TIPRL: variants seen among roughly 807,000 people sequenced by gnomAD.
The protein encoded by TIPRL is TIP41-like protein.
In TIPRL, 10 loss-of-function variants were observed where a neutral mutation model predicts 32.3. That is an observed-to-expected ratio of 0.31 (90% CI 0.19 to 0.52). TIPRL has a LOEUF of 0.52. TIPRL is among the 20% of genes least tolerant of loss of function. TIPRL has a pLI of 0.96. For synonymous variants in TIPRL, 100 were observed against 114.0 expected, an observed-to-expected ratio of 0.88 and a Z score of 0.78; for missense variants, 250 against 328.1, an observed-to-expected ratio of 0.76 and a Z score of 1.84.
chr1:168,185,694 C>T (rs575174072), intron 3 of TIPRL, among the ~76,000 whole-genome samples: 259 of 150,108 alleles, frequency 1.7e-3, no homozygotes, highest in African/African-American at 5.7e-3. Flanking sequence ...TGCTTGAACC[C>T]GGGAGGTGGA....
chr1:168,183,023 A>T (rs745659021), intron 1 of TIPRL, among the ~76,000 whole-genome samples: 47 of 152,366 alleles, frequency 3.1e-4, no homozygotes, highest in Non-Finnish European at 1.6e-4. Context: ...TCAAAGTTAG[A>T]TCACTGATAT....
At chr1:168,182,764 A>G (rs1050478099) in intron 1 of TIPRL, among the ~76,000 whole-genome samples, 1 of 152,236 alleles carries the variant, frequency 6.6e-6, no homozygotes, top group African/African-American at 2.4e-5. Flanking sequence ...TTCCAGATAT[A>G]TTGGTTAGAA....
intron 3 of TIPRL, among the ~76,000 whole-genome samples, chr1:168,186,951 C>T (rs1482395973): frequency 6.6e-6 from 1 of 152,212 alleles, no homozygotes; most frequent in African/African-American, 2.4e-5. Context: ...GATAAAAGTT[C>T]ATAGCAGGAA....
chr1:168,201,498 G>C lies in TIPRL; in HGVS notation c.*1452G>C, dbSNP rs1237857463. On this transcript the variant is annotated 3_prime_UTR_variant, in exon 7 of 7. Coordinates refer to ENST00000367833, the MANE Select transcript of TIPRL (RefSeq NM_152902.5). ...ATTTGATATTTGTCTTCTGCCTTCT[G>C]TATCACCTCCAAGCTATAGGAAATC... is the stretch of plus-strand genomic sequence containing the variant. 1 of 151,920 alleles carries C rather than the reference G, an allele frequency of 6.6e-6. No individual in the cohort carries two copies. Among genetic ancestry groups the C allele is most frequent in the Non-Finnish European group, 1.5e-5 (1 of 67,926 alleles). 9.4% of individuals were successfully genotyped at this position (151,920 alleles called of 1,614,324 possible). A position where few individuals can be genotyped will look rare whatever the true frequency, so the allele number is the denominator to read the frequency against.
At chr1:168,184,191 G>C (rs1380938777) in intron 2 of TIPRL, 110 bp downstream of exon 2, 16 of 1,001,118 alleles carry the variant, frequency 1.6e-5, no homozygotes, top group African/African-American at 3.3e-5. Context: ...TAGAATGAAG[G>C]GCTGGTATTA....
Position 168,183,961 on chromosome 1 carries a change from T to C in TIPRL, c.164T>C (p.Leu55Ser), listed in dbSNP as rs770949861. The change falls in exon 2 of 7, where the codon TTA becomes TCA. Residue 55 changes from leucine (L) to serine (S), a missense_variant. Leu to Ser is a moderately radical substitution (Grantham distance 145). Coordinates refer to ENST00000367833, the MANE Select transcript of TIPRL (RefSeq NM_152902.5). ...LPEMMFGDNVLRIQHGSGFGI... is the reference protein window; with the variant it reads ...LPEMMFGDNVSRIQHGSGFGI... ...GAAATGATGTTTGGAGACAACGTTT[T>C]AAGAATCCAGCATGGGTCTGGCTTT... 6.2e-7 allele frequency: 1 copy of C among 1,614,128 alleles called. No individual in the cohort carries two copies. The highest frequency in any genetic ancestry group is 8.5e-7 in the Non-Finnish European group (1 of 1,179,992).
In TIPRL at chr1:168,182,442, A is replaced by AT. The variant is rs528329973; in HGVS notation, c.105-1459dup. On this transcript the variant is annotated intron_variant, in intron 1 of 6. Coordinates refer to ENST00000367833, the MANE Select transcript of TIPRL (RefSeq NM_152902.5). ...GGAGTTCGAGACCAGCCTGGCCAAC[A>AT]TGGTGAAACCCTGTTTCTACTAAAA... Among the ~76,000 whole-genome samples, 848 of 152,284 alleles carry AT rather than the reference A, an allele frequency of 5.6e-3. 6 individuals are homozygous for AT. Among genetic ancestry groups the AT allele is most frequent in the South Asian group, 0.017 (83 of 4,822 alleles).
At chr1:168,185,218 C>T (rs547013858) in intron 3 of TIPRL, among the ~76,000 whole-genome samples, 1 of 152,246 alleles carries the variant, frequency 6.6e-6, no homozygotes, top group South Asian at 2.1e-4. Flanking sequence ...TTGTAGCTCA[C>T]AAGTTTATAG....
intron 4 of TIPRL, chr1:168,192,519 C>A: frequency 1.7e-6 from 1 of 580,354 alleles, no homozygotes; most frequent in Non-Finnish European, 2.2e-6. Context: ...CCCAAAGACC[C>A]AGCTAAAATA....
chr1:168,196,748 G>A (rs1700158681), intron 5 of TIPRL, 106 bp downstream of exon 5: 1 of 682,194 alleles, frequency 1.5e-6, no homozygotes, highest in Non-Finnish European at 2.3e-6. Context: ...TTATATGGCA[G>A]TCTTTCTAAC....
intron 3 of TIPRL, among the ~76,000 whole-genome samples, chr1:168,185,299 A>G (rs1247000653): frequency 6.6e-6 from 1 of 152,202 alleles, no homozygotes. Context: ...TGCCCTGAGT[A>G]TGAACCTGAA....
At chr1:168,192,379 A>AATAAT (rs1700110171) in intron 4 of TIPRL, 1 of 1,015,210 alleles carries the variant, frequency 9.9e-7, no homozygotes, top group African/African-American at 1.7e-5. Flanking sequence ...AATAAAATAA[A>AATAAT]AGAAGTAGAA....
intron 1 of TIPRL, among the ~76,000 whole-genome samples, chr1:168,181,287 A>C (rs1400102728): frequency 6.6e-6 from 1 of 150,924 alleles, no homozygotes; most frequent in Non-Finnish European, 1.5e-5. Context: ...ATCTCGGCTC[A>C]CTGTAACCTC....
At chr1:168,192,270 CG>C in intron 4 of TIPRL, 1 of 1,302,688 alleles carries the variant, frequency 7.7e-7, no homozygotes, top group Non-Finnish European at 1.0e-6. Flanking sequence ...AGCGTGAACC[CG>C]GGAGGCGGAG....
intron 1 of TIPRL, among the ~76,000 whole-genome samples, chr1:168,180,575 C>T (rs1021802284): frequency 6.6e-6 from 1 of 152,014 alleles, no homozygotes; most frequent in African/African-American, 2.4e-5. Flanking sequence ...TAAAATAGAA[C>T]CCTAAGTGAG....
chr1:168,180,279 G>C (rs1457301133), intron 1 of TIPRL, among the ~76,000 whole-genome samples: 1 of 152,172 alleles, frequency 6.6e-6, no homozygotes, highest in Non-Finnish European at 1.5e-5. Context: ...CTCTGGCTTG[G>C]ATTTTTGCAT....
intron 3 of TIPRL, 53 bp from the exon 4 acceptor site, chr1:168,191,316 T>C: frequency 6.8e-7 from 1 of 1,471,866 alleles, no homozygotes; most frequent in Non-Finnish European, 9.0e-7. Flanking sequence ...TGTGTCTCTG[T>C]AGCTCCTCAA....
intron 1 of TIPRL, among the ~76,000 whole-genome samples, chr1:168,179,591 G>A (rs10918838): frequency 0.26 from 39,890 of 152,014 alleles, 5,863 homozygotes; most frequent in Admixed American, 0.43. Flanking sequence ...GATAGGAAAT[G>A]TAAAAGACAA....
At chr1:168,193,958 T>C (rs921967430) in intron 4 of TIPRL, among the ~76,000 whole-genome samples, 12 of 152,196 alleles carry the variant, frequency 7.9e-5, no homozygotes, top group Non-Finnish European at 1.8e-4. Flanking sequence ...TGAGTCACCG[T>C]AAATGTGACA....
Sources: allele counts gnomAD v4.1 joint callset (sites outside exome capture counted in the v4.1 genomes callset), GRCh38; gene constraint gnomAD v4.1.1; transcripts MANE v1.5; gene names NCBI Gene and HGNC (gene_info 2026-07-23, HGNC 2026-07-21).